DPP6: variants seen among roughly 807,000 people sequenced by gnomAD.
DPP6 encodes dipeptidyl peptidase like 6.
Under a neutral mutation model 122.6 loss-of-function variants are expected in DPP6, and 69 were observed. The observed-to-expected ratio is 0.56, with a 90% CI of 0.46 to 0.69. DPP6 has a LOEUF of 0.69. DPP6 is among the 30% of genes least tolerant of loss of function. DPP6 has a pLI of 0.00. For synonymous variants in DPP6, 418 were observed against 433.1 expected (o/e 0.97, Z 0.43); for missense variants, 928 against 1,116.9 (o/e 0.83, Z 2.41).
chr7:154,853,821 A>G lies in DPP6; in HGVS notation c.1708A>G (p.Lys570Glu). The change falls in exon 17 of 26, where the codon AAG (lysine) becomes GAG (glutamate). Residue 570 changes from lysine to glutamate, a missense_variant. Coordinates refer to ENST00000377770, the MANE Select transcript of DPP6 (RefSeq NM_130797.4). ...GGTGACGGTGCACAACACAACAGAT[A>G]AGAAAAGTAAGTGCTCTTTTTTTTC... ...PMVTVHNTTD[K>E]KKMFDLETNE... 6.2e-7 allele frequency: 1 copy of G among 1,613,882 alleles called. No individual in the cohort carries two copies. Among genetic ancestry groups the G allele is most frequent in the Non-Finnish European group, 8.5e-7 (1 of 1,179,846 alleles).
At chr7:154,671,195 G>A (rs992108530) in intron 7 of DPP6, among the ~76,000 whole-genome samples, 2 of 151,652 alleles carry the variant, frequency 1.3e-5, no homozygotes, top group African/African-American at 4.9e-5. Flanking sequence ...CCCTCTGAAA[G>A]TCTGTGATTG....
rs149835229 is a variant in DPP6 at position 154,181,996 on chromosome 7, C to T, written c.243+128933C>T. Among the ~76,000 whole-genome samples, 44 of 152,132 alleles carry T rather than the reference C, an allele frequency of 2.9e-4. No individual in the cohort carries two copies. The East Asian group carries it at 7.8e-3, about 27-fold the overall frequency. On this transcript the variant is annotated intron_variant, in intron 1 of 25. Coordinates refer to ENST00000377770, the MANE Select transcript of DPP6 (RefSeq NM_130797.4). Reference sequence around the variant, plus strand: ...CTCGAACTCCTGACCTCATGATCTGCCTGCTTTGGCATCCCAAAGTGCTGA... The same window carrying T: ...CTCGAACTCCTGACCTCATGATCTGTCTGCTTTGGCATCCCAAAGTGCTGA...
the DPP6 span, among the ~76,000 whole-genome samples, chr7:153,776,504 C>T: frequency 6.6e-6 from 1 of 152,112 alleles, no homozygotes; most frequent in Non-Finnish European, 1.5e-5. Context: ...CCATGCTGAA[C>T]TGGGAGTCAA....
chr7:154,181,277 A>T (rs186232529), intron 1 of DPP6, among the ~76,000 whole-genome samples: 1 of 152,194 alleles, frequency 6.6e-6, no homozygotes, highest in African/African-American at 2.4e-5. Context: ...CCACTCGTAG[A>T]AACTGTCTTT....
intron 8 of DPP6, among the ~76,000 whole-genome samples, chr7:154,757,543 G>C (rs531544870): frequency 6.6e-6 from 1 of 152,206 alleles, no homozygotes; most frequent in African/African-American, 2.4e-5. Flanking sequence ...GCCTTCGTAC[G>C]GTGCCTGTCT....
At chr7:154,616,359 G>A (rs1229354993) in intron 5 of DPP6, among the ~76,000 whole-genome samples, 1 of 152,144 alleles carries the variant, frequency 6.6e-6, no homozygotes, top group Non-Finnish European at 1.5e-5. Context: ...TTTCAACAGT[G>A]AACACTGTCT....
At chr7:154,550,698 T>C (rs749394411) in intron 4 of DPP6, among the ~76,000 whole-genome samples, 1 of 151,740 alleles carries the variant, frequency 6.6e-6, no homozygotes, top group Non-Finnish European at 1.5e-5. Flanking sequence ...CATCTAAACA[T>C]ACACAAACAC....
intron 3 of DPP6, among the ~76,000 whole-genome samples, chr7:154,509,428 G>A (rs2129763493): frequency 6.6e-6 from 1 of 152,250 alleles, no homozygotes; most frequent in East Asian, 1.9e-4. Context: ...AGCACAATGA[G>A]ACACTACTCC....
chr7:154,621,356 A>G (rs1834639842), intron 5 of DPP6, among the ~76,000 whole-genome samples: 1 of 152,004 alleles, frequency 6.6e-6, no homozygotes, highest in East Asian at 1.9e-4. Context: ...TATGATTTCT[A>G]ATTTATTTGT....
At chr7:154,704,633 C>G (rs1260295137) in intron 7 of DPP6, among the ~76,000 whole-genome samples, 1 of 152,230 alleles carries the variant, frequency 6.6e-6, no homozygotes, top group Non-Finnish European at 1.5e-5. Context: ...GGCAACACCA[C>G]CTGCCAGCAA....
At chr7:154,722,429 A>G (rs1297844763) in intron 7 of DPP6, among the ~76,000 whole-genome samples, 1 of 152,256 alleles carries the variant, frequency 6.6e-6, no homozygotes, top group East Asian at 1.9e-4. Context: ...ACCCTGAATC[A>G]TGGGACCTCA....
the DPP6 span, among the ~76,000 whole-genome samples, chr7:153,786,818 A>G: frequency 2.1e-5 from 3 of 140,314 alleles, no homozygotes; most frequent in African/African-American, 7.8e-5. Flanking sequence ...TTATATGTAT[A>G]CTAATATTCT....
chr7:154,125,222 C>G (rs1807790179), intron 1 of DPP6, among the ~76,000 whole-genome samples: 1 of 152,188 alleles, frequency 6.6e-6, no homozygotes, highest in Non-Finnish European at 1.5e-5. Flanking sequence ...TGTGTGGACT[C>G]AGAAACCTTT....
At chr7:153,873,804 G>C in the DPP6 span, among the ~76,000 whole-genome samples, 3 of 152,228 alleles carry the variant, frequency 2.0e-5, no homozygotes, top group African/African-American at 7.2e-5. Flanking sequence ...GAGGACTTGT[G>C]TCTTCATGTC....
At chr7:154,636,576 C>T (rs901468564) in intron 5 of DPP6, among the ~76,000 whole-genome samples, 7 of 152,302 alleles carry the variant, frequency 4.6e-5, no homozygotes, top group Middle Eastern at 3.4e-3. Context: ...CAAGGGGCCC[C>T]GGGCCGCATA....
chr7:154,071,501 C>T (rs1376843880), intron 1 of DPP6, among the ~76,000 whole-genome samples: 1 of 152,212 alleles, frequency 6.6e-6, no homozygotes, highest in Non-Finnish European at 1.5e-5. Flanking sequence ...CATAGTAGCT[C>T]AGTCTGCATC....
chr7:154,419,333 G>A (rs995828022), intron 1 of DPP6, among the ~76,000 whole-genome samples: 11 of 152,184 alleles, frequency 7.2e-5, no homozygotes, highest in Non-Finnish European at 1.2e-4. Flanking sequence ...TGATGGGTAT[G>A]CTTTATTTAC....
At chr7:154,180,437 A>G (rs1266424236) in intron 1 of DPP6, among the ~76,000 whole-genome samples, 1 of 145,918 alleles carries the variant, frequency 6.9e-6, no homozygotes, top group African/African-American at 2.5e-5. Flanking sequence ...TATAATATAT[A>G]TACACATTTA....
intron 3 of DPP6, among the ~76,000 whole-genome samples, chr7:154,527,483 G>A (rs1827497521): frequency 6.6e-6 from 1 of 152,104 alleles, no homozygotes; most frequent in African/African-American, 2.4e-5. Context: ...ATATGTGTAT[G>A]TTGTATGCTA....
Sources: allele counts gnomAD v4.1 joint callset (sites outside exome capture counted in the v4.1 genomes callset), GRCh38; gene constraint gnomAD v4.1.1; transcripts MANE v1.5; gene names NCBI Gene and HGNC (gene_info 2026-07-23, HGNC 2026-07-21).